PRKAG2: variants seen among roughly 807,000 people sequenced by gnomAD.
PRKAG2 encodes protein kinase AMP-activated non-catalytic subunit gamma 2.
Under a neutral mutation model 69.6 loss-of-function variants are expected in PRKAG2, and 26 were observed. The observed-to-expected ratio is 0.37, with a 90% CI of 0.27 to 0.52. The LOEUF is 0.52. Ranked by LOEUF, PRKAG2 falls within the 20% of genes least tolerant of loss-of-function variation. PRKAG2 has a pLI of 0.90. For missense variants in PRKAG2, 557 were observed against 740.0 expected (o/e 0.75, Z 2.87); for synonymous variants, 293 against 285.0 (o/e 1.03, Z -0.28).
intron 1 of PRKAG2, among the ~76,000 whole-genome samples, chr7:151,796,374 G>C (rs1054429199): frequency 6.6e-6 from 1 of 152,298 alleles, no homozygotes; most frequent in Non-Finnish European, 1.5e-5. Context: ...AAGGGCCGTT[G>C]TCCTGGCAGT....
At position 151,563,106 on chromosome 7, in the gene PRKAG2, T is replaced by C. The variant is rs569465442; in HGVS notation, c.1584+972A>G. On this transcript the variant is annotated intron_variant, in intron 14 of 15. Transcript: ENST00000287878. ...TTGTCATCTGCTGCTGAGTCAAACT[T>C]ATGTATGTCCTTTGTTGGAGGTACC... Among the ~76,000 whole-genome samples the C allele has an allele frequency of 9.2e-5, 14 of 152,304 alleles. No individual in the cohort carries two copies. The South Asian group carries it at 2.1e-3, about 23-fold the overall frequency.
chr7:151,703,955 A>AGGC (rs1230118068), intron 3 of PRKAG2, among the ~76,000 whole-genome samples: 3 of 150,706 alleles, frequency 2.0e-5, no homozygotes, highest in Non-Finnish European at 4.4e-5. Context: ...CCAGCTACTC[A>AGGC]GGCGGCTGAG....
intron 3 of PRKAG2, among the ~76,000 whole-genome samples, chr7:151,751,568 C>T (rs1200073010): frequency 6.6e-6 from 1 of 151,910 alleles, no homozygotes; most frequent in Non-Finnish European, 1.5e-5. Flanking sequence ...GAGTGCAGTG[C>T]AATCACAGCG....
intron 3 of PRKAG2, among the ~76,000 whole-genome samples, chr7:151,701,088 T>C (rs966870129): frequency 6.6e-6 from 1 of 152,140 alleles, no homozygotes. Context: ...TCCACCCCCT[T>C]CCACCTCCCA....
At chr7:151,696,484 G>A (rs1836693583) in intron 3 of PRKAG2, among the ~76,000 whole-genome samples, 1 of 152,250 alleles carries the variant, frequency 6.6e-6, no homozygotes, top group Non-Finnish European at 1.5e-5. Flanking sequence ...GGTCGTCTCT[G>A]CAGGCCCAGG....
intron 3 of PRKAG2, among the ~76,000 whole-genome samples, chr7:151,692,471 G>A (rs1487213475): frequency 6.6e-6 from 1 of 152,202 alleles, no homozygotes; most frequent in African/African-American, 2.4e-5. Flanking sequence ...AAAAAGGGAT[G>A]CGGAAATTTC....
At chr7:151,684,529 A>G (rs975586177) in intron 3 of PRKAG2, among the ~76,000 whole-genome samples, 25 of 152,134 alleles carry the variant, frequency 1.6e-4, no homozygotes, top group Admixed American at 1.5e-3. Context: ...AAAGCACCCT[A>G]GGACACTGAA....
At position 151,567,950 on chromosome 7, in the gene PRKAG2, T is replaced by C. The variant is rs1414941457; in HGVS notation, c.1233+766A>G. On this transcript the variant is annotated intron_variant, in intron 11 of 15. Coordinates refer to ENST00000287878, the MANE Select transcript of PRKAG2 (RefSeq NM_016203.4). The surrounding 1 kb of genome is among the most constrained non-coding windows in gnomAD (Gnocchi z 4.2). ...TAATTTGAAGTACATTTTTAATATC[T>C]GTTACAGTCTTGGAAAAACAACTCT... Among the ~76,000 whole-genome samples, 1 of 152,248 alleles carries C rather than the reference T, an allele frequency of 6.6e-6. No individual in the cohort carries two copies. The highest frequency in any genetic ancestry group is 2.4e-5 in the African/African-American group (1 of 41,468).
chr7:151,697,234 C>A (rs1190814642), intron 3 of PRKAG2, among the ~76,000 whole-genome samples: 1 of 152,028 alleles, frequency 6.6e-6, no homozygotes, highest in Non-Finnish European at 1.5e-5. Flanking sequence ...GTGGTCAAGG[C>A]AGAATGGGCA....
chr7:151,643,490 C>T (rs895350016), intron 4 of PRKAG2, among the ~76,000 whole-genome samples: 1 of 152,174 alleles, frequency 6.6e-6, no homozygotes, highest in Non-Finnish European at 1.5e-5. Context: ...AGCTCTATTC[C>T]TAAATTGGTG....
At chr7:151,795,924 C>CATTAT (rs1278212135) in intron 1 of PRKAG2, among the ~76,000 whole-genome samples, 1 of 115,158 alleles carries the variant, frequency 8.7e-6, no homozygotes, top group Non-Finnish European at 1.8e-5. Context: ...ATGTTATATA[C>CATTAT]ATTATATAGA....
At chr7:151,697,327 G>A (rs753926447) in intron 3 of PRKAG2, among the ~76,000 whole-genome samples, 25 of 152,168 alleles carry the variant, frequency 1.6e-4, no homozygotes, top group Non-Finnish European at 3.2e-4. Context: ...ATCAGGGGGC[G>A]CTGCAAGTGG....
intron 1 of PRKAG2, among the ~76,000 whole-genome samples, chr7:151,822,359 C>T (rs1013978916): frequency 2.6e-5 from 4 of 152,094 alleles, no homozygotes; most frequent in African/African-American, 9.7e-5. Context: ...GGTGACTTTA[C>T]TGTCCCCAAG....
In PRKAG2 at chr7:151,707,141, C is replaced by A. The variant is rs148643895; in HGVS notation, c.467-31504G>T. 9.4e-3 allele frequency among the ~76,000 whole-genome samples: 1,429 copies of A among 152,330 alleles called. 29 individuals are homozygous for A. Among genetic ancestry groups the A allele is most frequent in the African/African-American group, 0.033 (1,358 of 41,568 alleles). On this transcript the variant is annotated intron_variant, in intron 3 of 15. Coordinates refer to ENST00000287878, the MANE Select transcript of PRKAG2 (RefSeq NM_016203.4). ...CACCTGGTCAGAGGACAAGTCCAAGCACCTGGATAGCAACTGGACCATGTC... is the reference window on the plus strand; with the variant it reads ...CACCTGGTCAGAGGACAAGTCCAAGAACCTGGATAGCAACTGGACCATGTC...
chr7:151,766,505 C>A (rs557279425), intron 3 of PRKAG2, among the ~76,000 whole-genome samples: 1 of 152,220 alleles, frequency 6.6e-6, no homozygotes, highest in Non-Finnish European at 1.5e-5. Context: ...GCGCCCAGAT[C>A]GTGGATAAGT....
chr7:151,625,811 C>G (rs1010442534), intron 5 of PRKAG2, among the ~76,000 whole-genome samples: 8 of 152,164 alleles, frequency 5.3e-5, no homozygotes, highest in Admixed American at 1.3e-4. Flanking sequence ...ACAGAGAGAT[C>G]AGTGTCAGGG....
At chr7:151,599,152 CCTAA>C (rs1280137198) in intron 5 of PRKAG2, among the ~76,000 whole-genome samples, 1 of 152,052 alleles carries the variant, frequency 6.6e-6, no homozygotes, top group African/African-American at 2.4e-5. Context: ...TGTGCCCAGC[CCTAA>C]CTGACAATTT....
At chr7:151,592,056 G>A (rs560268877) in intron 6 of PRKAG2, among the ~76,000 whole-genome samples, 70 of 152,212 alleles carry the variant, frequency 4.6e-4, no homozygotes, top group African/African-American at 1.3e-3. Flanking sequence ...GACGGGGCTC[G>A]CCCAGGCCTG....
At chr7:151,725,170 G>T (rs1300314973) in intron 3 of PRKAG2, among the ~76,000 whole-genome samples, 1 of 152,100 alleles carries the variant, frequency 6.6e-6, no homozygotes, top group Non-Finnish European at 1.5e-5. Context: ...ACAAAATGGG[G>T]TCCACATGCA....
Sources: gnomAD v4.1 joint callset for allele counts (sites outside exome capture counted in the v4.1 genomes callset) on GRCh38, gnomAD v4.1.1 for gene constraint, Gnocchi (gnomAD v3.1) non-coding constraint, MANE v1.5 for transcripts, NCBI Gene and HGNC (gene_info 2026-07-23, HGNC 2026-07-21) for gene names.